CCSER1: variants seen among roughly 807,000 people sequenced by gnomAD.
The protein encoded by CCSER1 is serine-rich coiled-coil domain-containing protein 1.
CCSER1 carries 41 observed loss-of-function variants against 82.0 expected under a neutral mutation model. That is an observed-to-expected ratio of 0.50 (90% CI 0.39 to 0.65). CCSER1 has a LOEUF of 0.65. Among genes scored for constraint, CCSER1 ranks in the 30% least tolerant of loss-of-function variants. The pLI, the probability that CCSER1 is intolerant of heterozygous loss-of-function variation, is 0.00. For missense variants in CCSER1, 1,119 were observed against 1,064.2 expected, an observed-to-expected ratio of 1.05 and a Z score of -0.72; for synonymous variants, 414 against 383.9, an observed-to-expected ratio of 1.08 and a Z score of -0.92.
intron 3 of CCSER1, among the ~76,000 whole-genome samples, chr4:90,353,693 C>A (rs1476252631): frequency 2.0e-5 from 3 of 152,126 alleles, no homozygotes; most frequent in African/African-American, 7.2e-5. Context: ...TCCTTTGGAA[C>A]AATAGGAGTC....
At position 91,425,435 on chromosome 4, in the gene CCSER1, T is replaced by C. The variant is rs193242906; in HGVS notation, c.2218-173137T>C. ...TTATGAATTACATGGGAATTGCACA[T>C]ACTGTGAAAAGCATTGTAATTGTAA... On this transcript the variant is annotated intron_variant, in intron 10 of 10. Coordinates refer to ENST00000509176, the MANE Select transcript of CCSER1 (RefSeq NM_001145065.2). Among the ~76,000 whole-genome samples, 304 of 152,270 alleles carry C rather than the reference T, an allele frequency of 2.0e-3. 1 individual carries two copies. Among genetic ancestry groups the C allele is most frequent in the Non-Finnish European group, 3.4e-3 (234 of 68,012 alleles).
chr4:91,517,905 G>T (rs76492234), intron 10 of CCSER1, among the ~76,000 whole-genome samples: 26 of 135,936 alleles, frequency 1.9e-4, no homozygotes, highest in South Asian at 1.1e-3. Context: ...TTTCACAGGG[G>T]GGGTATGATA....
At chr4:91,246,873 A>T (rs2149138781) in intron 10 of CCSER1, among the ~76,000 whole-genome samples, 1 of 151,862 alleles carries the variant, frequency 6.6e-6, no homozygotes, top group African/African-American at 2.4e-5. Context: ...GCAAGTAAGC[A>T]TATGAAGAGA....
At chr4:90,198,755 A>G (rs1269867839) in intron 1 of CCSER1, among the ~76,000 whole-genome samples, 1 of 152,190 alleles carries the variant, frequency 6.6e-6, no homozygotes, top group Admixed American at 6.6e-5. Context: ...CCATCCGTCC[A>G]AAAAGAGCAC....
chr4:90,722,296 C>T (rs575182896), intron 6 of CCSER1, among the ~76,000 whole-genome samples: 219 of 151,868 alleles, frequency 1.4e-3, no homozygotes, highest in African/African-American at 3.7e-3. Flanking sequence ...CAACTATGAA[C>T]GAACTGTGTT....
At chr4:90,880,825 G>C (rs2072289126) in intron 8 of CCSER1, among the ~76,000 whole-genome samples, 1 of 152,020 alleles carries the variant, frequency 6.6e-6, no homozygotes, top group African/African-American at 2.4e-5. Flanking sequence ...CGCTGGGCTG[G>C]GGAGGTTACT....
intron 9 of CCSER1, among the ~76,000 whole-genome samples, chr4:91,076,558 T>C (rs1722016012): frequency 6.6e-6 from 1 of 152,194 alleles, no homozygotes; most frequent in Non-Finnish European, 1.5e-5. Context: ...AGTTTTATTT[T>C]ATGCTTACTA....
At chr4:91,297,295 A>G (rs1744257871) in intron 10 of CCSER1, among the ~76,000 whole-genome samples, 1 of 151,864 alleles carries the variant, frequency 6.6e-6, no homozygotes, top group South Asian at 2.1e-4. Flanking sequence ...GCAGGATAGC[A>G]GTAAACAGTT....
chr4:90,425,571 A>C (rs1346198678), intron 4 of CCSER1, among the ~76,000 whole-genome samples: 2 of 152,198 alleles, frequency 1.3e-5, no homozygotes, highest in Admixed American at 6.5e-5. Flanking sequence ...CAACAAAAGC[A>C]GGTCTTTCCC....
At chr4:91,171,792 A>G (rs1732784954) in intron 10 of CCSER1, among the ~76,000 whole-genome samples, 1 of 152,172 alleles carries the variant, frequency 6.6e-6, no homozygotes, top group African/African-American at 2.4e-5. Flanking sequence ...TCTAGTATAC[A>G]TAATTATTTT....
chr4:91,129,466 ACT>A, intron 10 of CCSER1, among the ~76,000 whole-genome samples: 1 of 110,908 alleles, frequency 9.0e-6, no homozygotes, highest in South Asian at 2.4e-4. Context: ...TAGATATTTA[ACT>A]ATGAAATAGG....
At chr4:90,284,678 G>GAGA (rs139992619) in intron 1 of CCSER1, among the ~76,000 whole-genome samples, 9,901 of 151,748 alleles carry the variant, frequency 0.065, 416 homozygotes, top group East Asian at 0.23. Flanking sequence ...ATTTTTCATA[G>GAGA]AGACAGGGTT....
At chr4:91,050,020 T>C (rs1581425510) in intron 9 of CCSER1, among the ~76,000 whole-genome samples, 1 of 152,196 alleles carries the variant, frequency 6.6e-6, no homozygotes, top group East Asian at 1.9e-4. Flanking sequence ...GGCTTTTATC[T>C]TCTGCTTTCC....
chr4:90,405,510 A>G (rs1468262685), intron 4 of CCSER1, among the ~76,000 whole-genome samples: 2 of 152,248 alleles, frequency 1.3e-5, no homozygotes, highest in East Asian at 3.9e-4. Flanking sequence ...AAGCTCAAAG[A>G]ACACCTTGGA....
chr4:90,377,435 G>A (rs1748514827), intron 3 of CCSER1, among the ~76,000 whole-genome samples: 1 of 152,026 alleles, frequency 6.6e-6, no homozygotes, highest in Non-Finnish European at 1.5e-5. Flanking sequence ...AGTATAATTA[G>A]GTAGAAGTAC....
At chr4:90,771,951 G>A (rs888484891) in intron 7 of CCSER1, among the ~76,000 whole-genome samples, 1 of 152,008 alleles carries the variant, frequency 6.6e-6, no homozygotes, top group Non-Finnish European at 1.5e-5. Flanking sequence ...ATGGATACTC[G>A]AGTTTTGATC....
chr4:91,395,712 T>C (rs1023080316), intron 10 of CCSER1, among the ~76,000 whole-genome samples: 1 of 152,028 alleles, frequency 6.6e-6, no homozygotes, highest in Non-Finnish European at 1.5e-5. Context: ...CATGAAGAGA[T>C]GCTTGGTGCT....
intron 1 of CCSER1, among the ~76,000 whole-genome samples, chr4:90,130,829 G>T (rs995017463): frequency 4.9e-4 from 74 of 152,074 alleles, no homozygotes; most frequent in African/African-American, 1.7e-3. Flanking sequence ...TTGCTATGTT[G>T]GCTAGGCTGG....
intron 10 of CCSER1, among the ~76,000 whole-genome samples, chr4:91,582,880 A>C (rs1427762941): frequency 6.6e-6 from 1 of 151,434 alleles, no homozygotes; most frequent in Non-Finnish European, 1.5e-5. Flanking sequence ...AGTCACTTCT[A>C]TGGTCCCATA....
Sources: gnomAD v4.1 joint callset for allele counts (sites outside exome capture counted in the v4.1 genomes callset) on GRCh38, gnomAD v4.1.1 for gene constraint, MANE v1.5 for transcripts, NCBI Gene and HGNC (gene_info 2026-07-23, HGNC 2026-07-21) for gene names.